SPATA22: variants seen among roughly 807,000 people sequenced by gnomAD.
The protein encoded by SPATA22 is spermatogenesis associated 22.
A neutral mutation model predicts 47.8 loss-of-function variants in SPATA22; 29 were observed. That is an observed-to-expected ratio of 0.61 (90% CI 0.45 to 0.83). SPATA22 has a LOEUF of 0.83. Among genes scored for constraint, SPATA22 ranks in the 40% least tolerant of loss-of-function variants. SPATA22 has a pLI of 0.00. For synonymous variants in SPATA22, 133 were observed against 140.9 expected, an observed-to-expected ratio of 0.94 and a Z score of 0.40; for missense variants, 410 against 421.7, an observed-to-expected ratio of 0.97 and a Z score of 0.24.
At chr17:3,445,550 C>T (rs1597386739) in intron 7 of SPATA22, among the ~76,000 whole-genome samples, 2 of 152,244 alleles carry the variant, frequency 1.3e-5, no homozygotes, top group East Asian at 3.9e-4. Flanking sequence ...TTCTGATCTA[C>T]AAAACTTGAG....
At chr17:3,483,472 A>G in intron 1 of SPATA22, 3 of 1,590,962 alleles carry the variant, frequency 1.9e-6, no homozygotes, top group Non-Finnish European at 2.6e-6. Context: ...GTTTTTACCT[A>G]AGAAAGACGT....
In SPATA22 at chr17:3,495,272, C is replaced by A. The variant is rs184096815; in HGVS notation, c.-74+18140G>T. Among the ~76,000 whole-genome samples, 397 of 152,298 alleles carry A rather than the reference C, an allele frequency of 2.6e-3. 1 individual carries two copies. The highest frequency in any genetic ancestry group is 9.1e-3 in the African/African-American group (379 of 41,550). ...GGATTATCTAGTCCAGGGCTTTCAA[C>A]CCCGACTAACCTTTACCTAGAGAGC... On this transcript the variant is annotated intron_variant, in intron 1 of 8. Coordinates refer to the SPATA22 transcript ENST00000541913.
chr17:3,503,708 T>G (rs1038687213), intron 1 of SPATA22, among the ~76,000 whole-genome samples: 29 of 152,336 alleles, frequency 1.9e-4, no homozygotes, highest in African/African-American at 6.5e-4. Context: ...GGTTTGTTTG[T>G]TTTTAATCTA....
At chr17:3,448,668 G>A in intron 6 of SPATA22, 139 bp downstream of exon 6, 1 of 624,404 alleles carries the variant, frequency 1.6e-6, no homozygotes, top group Non-Finnish European at 2.6e-6. Context: ...CCACTTCAAT[G>A]GAACTGAATA....
Position 3,497,308 on chromosome 17 carries a change from T to C in SPATA22, c.-74+16104A>G, listed in dbSNP as rs548196273. 4.6e-5 allele frequency among the ~76,000 whole-genome samples: 7 copies of C among 152,182 alleles called. No homozygotes were observed. In the South Asian group the frequency reaches 1.5e-3, roughly 32 times the overall value. On this transcript the variant is annotated intron_variant, in intron 1 of 8. Transcript: ENST00000541913. Reference sequence around the variant, plus strand: ...AAAACCACCGGTTCAGAGAAATAGTTCTCAGCCGAGCCACCCTGTAAATCA... The same window carrying C: ...AAAACCACCGGTTCAGAGAAATAGTCCTCAGCCGAGCCACCCTGTAAATCA...
At chr17:3,460,136 T>C (rs1243352331) in intron 5 of SPATA22, among the ~76,000 whole-genome samples, 1 of 152,178 alleles carries the variant, frequency 6.6e-6, no homozygotes, top group Non-Finnish European at 1.5e-5. Flanking sequence ...TTGGTAATGA[T>C]AGACAAGACA....
intron 1 of SPATA22, among the ~76,000 whole-genome samples, chr17:3,504,529 GA>G (rs55996481): frequency 7.0e-6 from 1 of 143,598 alleles, no homozygotes; most frequent in African/African-American, 2.6e-5. Context: ...AAATCCATGG[GA>G]AAAAAAAAAG....
intron 1 of SPATA22, chr17:3,481,452 A>G: frequency 1.5e-6 from 1 of 681,156 alleles, no homozygotes; most frequent in African/African-American, 1.8e-5. Flanking sequence ...AAGTTTTCAT[A>G]TATAAACATT....
chr17:3,440,096 G>T lies in SPATA22; in HGVS notation c.*51C>A. On this transcript the variant is annotated 3_prime_UTR_variant, in exon 9 of 9. Transcript: ENST00000572969. Reference sequence around the variant, plus strand: ...TAAAACTATGGAGATGGTAAATTAAGCAATAACAGAAAACTGCTATAATTT... The same window carrying T: ...TAAAACTATGGAGATGGTAAATTAATCAATAACAGAAAACTGCTATAATTT... The T allele has an allele frequency of 1.7e-6, 2 of 1,183,554 alleles. No individual in the cohort carries two copies. Among genetic ancestry groups the T allele is most frequent in the Non-Finnish European group, 2.3e-6 (2 of 868,160 alleles). The allele number at this position is 1,183,554 out of a possible 1,614,324, so 73.3% of individuals were successfully genotyped here. A position where few individuals can be genotyped will look rare whatever the true frequency, so the allele number is the denominator to read the frequency against.
chr17:3,446,079 C>G (rs895459036), intron 7 of SPATA22, among the ~76,000 whole-genome samples: 1 of 152,124 alleles, frequency 6.6e-6, no homozygotes, highest in African/African-American at 2.4e-5. Flanking sequence ...TCAAAGCCAG[C>G]AAGGTAGCAT....
intron 3 of SPATA22, among the ~76,000 whole-genome samples, 177 bp from the exon 4 acceptor site, chr17:3,462,944 TA>T (rs1266206560): frequency 6.6e-6 from 1 of 152,252 alleles, no homozygotes; most frequent in Non-Finnish European, 1.5e-5. Flanking sequence ...TATTAATTTT[TA>T]TAGATGTCTT....
intron 1 of SPATA22, among the ~76,000 whole-genome samples, chr17:3,498,341 C>A (rs2073942370): frequency 6.6e-6 from 1 of 151,992 alleles, no homozygotes; most frequent in Non-Finnish European, 1.5e-5. Flanking sequence ...GGTATTGAAG[C>A]AAACTCTTTT....
intron 1 of SPATA22, chr17:3,489,279 A>G: frequency 1.9e-6 from 3 of 1,613,104 alleles, no homozygotes. Context: ...GAGAGCTGAT[A>G]TCTTGGATCA....
chr17:3,461,268 T>C (rs1844048669), intron 5 of SPATA22, among the ~76,000 whole-genome samples: 1 of 152,244 alleles, frequency 6.6e-6, no homozygotes, highest in Admixed American at 6.5e-5. Flanking sequence ...AACTGTAGCC[T>C]GGACTCTAAA....
intron 5 of SPATA22, among the ~76,000 whole-genome samples, chr17:3,452,413 G>A (rs2072884062): frequency 1.3e-5 from 2 of 151,782 alleles, no homozygotes; most frequent in South Asian, 2.1e-4. Context: ...CCAACATGAT[G>A]AAACCCCGTC....
chr17:3,489,242 A>G lies in SPATA22; in HGVS notation c.-73-19844T>C. 6.2e-7 allele frequency: 1 copy of G among 1,606,882 alleles called. No homozygotes were observed. Among genetic ancestry groups the G allele is most frequent in the African/African-American group, 1.3e-5 (1 of 74,862 alleles). On this transcript the variant is annotated intron_variant, in intron 1 of 8. Transcript: ENST00000541913. ...CTCTCCTTCTGTACCTAGGTATAGA[A>G]GTTGGTCCTCAGCCTCAAGGGGTTC...
At chr17:3,477,280 C>T (rs75502128) in intron 1 of SPATA22, among the ~76,000 whole-genome samples, 2,231 of 152,220 alleles carry the variant, frequency 0.015, 66 homozygotes, top group African/African-American at 0.051. Flanking sequence ...CTAAAGACAC[C>T]ATCTGAATTT....
At chr17:3,458,855 CAAAAAAAAA>C (rs545223532) in intron 5 of SPATA22, among the ~76,000 whole-genome samples, 6 of 38,344 alleles carry the variant, frequency 1.6e-4, no homozygotes, top group Admixed American at 3.8e-4. Flanking sequence ...CGAAACTTCA[CAAAAAAAAA>C]AAAAAAAAAA....
chr17:3,446,647 T>C (rs2072733578), intron 6 of SPATA22, 46 bp from the exon 7 acceptor site: 1 of 1,395,552 alleles, frequency 7.2e-7, no homozygotes, highest in East Asian at 2.5e-5. Flanking sequence ...TATTTGTTTT[T>C]TTCATCATAC....
Sources: allele counts gnomAD v4.1 joint callset (sites outside exome capture counted in the v4.1 genomes callset), GRCh38; gene constraint gnomAD v4.1.1; transcripts MANE v1.5; gene names NCBI Gene and HGNC (gene_info 2026-07-23, HGNC 2026-07-21).